Variants in ATG2B observed in about 807,000 individuals in gnomAD.
The protein encoded by ATG2B is autophagy related 2B.
A neutral mutation model predicts 241.3 loss-of-function variants in ATG2B; 121 were observed. The ratio of observed to expected loss-of-function variants is 0.50; its 90% CI spans 0.43 to 0.58. The LOEUF (loss-of-function observed/expected upper bound fraction) is 0.58, where lower values mean the gene tolerates loss of function less well. Among genes scored for constraint, ATG2B ranks in the 20% least tolerant of loss-of-function variants. The pLI is 0.00. For synonymous variants in ATG2B, 858 were observed against 876.6 expected (o/e 0.98, Z 0.37); for missense variants, 2,306 against 2,491.6 (o/e 0.93, Z 1.59).
At chr14:96,312,962 C>G in intron 25 of ATG2B, 103 bp downstream of exon 25, 1 of 689,006 alleles carries the variant, frequency 1.5e-6, no homozygotes, top group Non-Finnish European at 2.3e-6. Flanking sequence ...AGTAAAAGAA[C>G]GTTTAACAAA....
chr14:96,296,718 G>T (rs1484411154), intron 34 of ATG2B, among the ~76,000 whole-genome samples: 1 of 148,368 alleles, frequency 6.7e-6, no homozygotes, highest in Non-Finnish European at 1.5e-5. Context: ...CAGAGATCAC[G>T]CCATTGCACT....
At position 96,341,867 on chromosome 14, in the gene ATG2B, A is replaced by G. The variant is rs187761084; in HGVS notation, c.745-166T>C. On this transcript the variant is annotated intron_variant, in intron 5 of 41. Transcript: ENST00000359933. ...GTATAGCTAAAATGAAACACAGTCC[A>G]CTAAAATGTTAGCACAGTCCACTGG... 1.7e-3 allele frequency among the ~76,000 whole-genome samples: 266 copies of G among 152,378 alleles called. 2 individuals carry two copies. Among genetic ancestry groups the G allele is most frequent in the African/African-American group, 6.2e-3 (259 of 41,592 alleles).
chr14:96,348,410 T>C (rs1289664285), intron 1 of ATG2B, among the ~76,000 whole-genome samples: 1 of 152,108 alleles, frequency 6.6e-6, no homozygotes, highest in Non-Finnish European at 1.5e-5. Context: ...GGGCCAGGCA[T>C]GGTGGCTCAC....
In ATG2B at chr14:96,289,289, G is replaced by A. The variant is rs3783428; in HGVS notation, c.6006+367C>T. On this transcript the variant is annotated intron_variant, in intron 41 of 41. Coordinates refer to ENST00000359933, the MANE Select transcript of ATG2B (RefSeq NM_018036.7). This position sits in a 1 kb window ranked among gnomAD's most constrained non-coding sequence, Gnocchi z 4.3. Reference sequence around the variant, plus strand: ...GTGAAGGCATGGGAATAGGATCAGGGTGGGAGATTCATCTGAAAAGTTCTA... The same window carrying A: ...GTGAAGGCATGGGAATAGGATCAGGATGGGAGATTCATCTGAAAAGTTCTA... Among the ~76,000 whole-genome samples the A allele has an allele frequency of 0.78, 119,048 of 152,228 alleles. 47,331 individuals carry two copies. The highest frequency in any genetic ancestry group is 0.93 in the African/African-American group (38,651 of 41,560).
chr14:96,311,484 A>G (rs927233586), intron 27 of ATG2B, 58 bp downstream of exon 27: 2 of 1,424,306 alleles, frequency 1.4e-6, no homozygotes, highest in Non-Finnish European at 1.9e-6. Context: ...GTTAAACTCA[A>G]TTTTTTTAAT....
At position 96,328,394 on chromosome 14, in the gene ATG2B, T is replaced by C. The variant is rs760519524; in HGVS notation, c.2116A>G (p.Met706Val). The C allele has an allele frequency of 1.2e-6, 2 of 1,613,710 alleles. No homozygotes were observed. Among genetic ancestry groups the C allele is most frequent in the Non-Finnish European group, 8.5e-7 (1 of 1,179,834 alleles). ...GAAGTATACATGTGGGATGCCATCA[T>C]CTCTACTGTGGCAAGTTTCTGTGGT... ...LQPQKLATVE[M>V]MASHMYTSYN... The change falls in exon 14 of 42, where the codon ATG becomes GTG. Residue 706 changes from methionine to valine, a missense_variant. Met to Val is a conservative substitution (Grantham distance 21, BLOSUM62 1). Around this residue, in one of 2 missense-constraint regions of ATG2B, gnomAD observed 1,927 missense variants for 2,011.2 expected, o/e 0.96. Coordinates refer to ENST00000359933, the MANE Select transcript of ATG2B (RefSeq NM_018036.7).
chr14:96,310,045 C>T (rs911669219), intron 28 of ATG2B, among the ~76,000 whole-genome samples: 4 of 152,150 alleles, frequency 2.6e-5, no homozygotes, highest in Admixed American at 6.5e-5. Flanking sequence ...ATATACTAAA[C>T]GGTGATTCAG....
Position 96,322,196 on chromosome 14 carries a change from T to A in ATG2B, c.2795A>T (p.Asn932Ile). The change falls in exon 18 of 42, where the codon AAT becomes ATT. Residue 932 changes from asparagine to isoleucine, a missense_variant. Around this residue, in one of 2 missense-constraint regions of ATG2B, gnomAD observed 1,927 missense variants for 2,011.2 expected, o/e 0.96. Transcript: ENST00000359933. ...CGTAAGTTCCAGCACATAGTGAGAA[T>A]TGCTGATTGCTTTATCCTGAAATTC... The part of the protein sequence containing the change: ...MTEFQDKAIS[N>I]SHYVLELTLP... 6.3e-7 allele frequency: 1 copy of A among 1,597,414 alleles called. No homozygotes were observed. Among genetic ancestry groups the A allele is most frequent in the Non-Finnish European group, 8.5e-7 (1 of 1,174,914 alleles).
Position 96,317,010 on chromosome 14 carries a change from C to A in ATG2B, c.3210+135G>T, listed in dbSNP as rs1887331763. The stretch of plus-strand genomic sequence containing the variant: ...CAAAGTTGCTATCATCATGGTTTGC[C>A]CCAGGACACTGGTCTTCATCAGTCC... On this transcript the variant is annotated intron_variant, in intron 20 of 41. Transcript: ENST00000359933. 9.2e-6 allele frequency: 8 copies of A among 869,502 alleles called. No individual in the cohort carries two copies. The East Asian group carries it at 2.0e-4, about 22-fold the overall frequency. The allele number at this position is 869,502 out of a possible 1,614,324, so 53.9% of individuals were successfully genotyped here.
chr14:96,286,713 A>C (rs145370547), intron 41 of ATG2B, among the ~76,000 whole-genome samples: 213 of 152,262 alleles, frequency 1.4e-3, no homozygotes, highest in African/African-American at 4.4e-3. Flanking sequence ...ATGACTTCTG[A>C]ATCTTTACCA....
intron 10 of ATG2B, 103 bp from the exon 11 acceptor site, chr14:96,331,740 A>G (rs915041240): frequency 1.8e-5 from 17 of 925,644 alleles, no homozygotes; most frequent in Non-Finnish European, 2.4e-5. Context: ...ACAGATGATC[A>G]TACAACAGTT....
chr14:96,290,012 TG>T lies in ATG2B; in HGVS notation c.5857-208del. ...AAAGTATAAATTAATAACTAACACC[TG>T]GATTGAGCTAAATTTTTAGCCCCTC... On this transcript the variant is annotated intron_variant, in intron 40 of 41. Transcript: ENST00000359933. This position sits in a 1 kb window ranked among gnomAD's most constrained non-coding sequence, Gnocchi z 4.4. 1 of 883,156 alleles carries T rather than the reference TG, an allele frequency of 1.1e-6. No homozygotes were observed. Among genetic ancestry groups the T allele is most frequent in the African/African-American group, 1.7e-5 (1 of 58,972 alleles). 54.7% of individuals were successfully genotyped at this position (883,156 alleles called of 1,614,324 possible). A position where few individuals can be genotyped will look rare whatever the true frequency, so the allele number is the denominator to read the frequency against.
intron 5 of ATG2B, 126 bp downstream of exon 5, chr14:96,342,993 T>G (rs1888082553): frequency 1.6e-6 from 1 of 615,114 alleles, no homozygotes; most frequent in East Asian, 3.0e-5. Context: ...TACTGAATAT[T>G]TGCATTAAAT....
intron 30 of ATG2B, among the ~76,000 whole-genome samples, chr14:96,306,209 T>C (rs968210357): frequency 1.2e-4 from 18 of 152,234 alleles, no homozygotes; most frequent in African/African-American, 4.3e-4. Flanking sequence ...TGAGTTTGAT[T>C]GTTTGGATTT....
chr14:96,341,837 GTATCGTATAGC>G, intron 5 of ATG2B, 136 bp from the exon 6 acceptor site: 1 of 607,240 alleles, frequency 1.6e-6, no homozygotes, highest in Non-Finnish European at 2.6e-6. Flanking sequence ...GGACAAACCA[GTATCGTATAGC>G]TAAAATGAAA....
At position 96,345,261 on chromosome 14, in the gene ATG2B, A is replaced by T; in HGVS notation, c.450T>A (p.Leu150=). The stretch of plus-strand genomic sequence containing the variant: ...TTTCAATGGTTTCAGCAAACTTTTC[A>T]AGTCCTTCAAAAGGCTGGGATCCTT... ...QGEGSQPFEG[L]EKFAETIETV... is the part of the protein sequence containing the mutation. The change falls in exon 3 of 42, where the codon CTT becomes CTA. Residue 150 remains leucine, a synonymous_variant. Transcript: ENST00000359933. 1.2e-6 allele frequency: 2 copies of T among 1,611,794 alleles called. No homozygotes were observed. The highest frequency in any genetic ancestry group is 1.7e-6 in the Non-Finnish European group (2 of 1,179,232).
chr14:96,361,834 A>C (rs1318101484), intron 1 of ATG2B, among the ~76,000 whole-genome samples: 2 of 152,118 alleles, frequency 1.3e-5, no homozygotes, highest in Admixed American at 1.3e-4. Flanking sequence ...ATACTGATAA[A>C]ATTATATACT....
chr14:96,349,245 G>A (rs1888250443), intron 1 of ATG2B, among the ~76,000 whole-genome samples: 1 of 152,242 alleles, frequency 6.6e-6, no homozygotes, highest in African/African-American at 2.4e-5. Context: ...ATACATCGCA[G>A]TATTTGAAAA....
chr14:96,329,451 A>C, intron 12 of ATG2B, 33 bp downstream of exon 12: 1 of 1,459,448 alleles, frequency 6.9e-7, no homozygotes, highest in Non-Finnish European at 9.2e-7. Context: ...AGATTTAAAA[A>C]ATAATCTTAA....
Sources: allele counts gnomAD v4.1 joint callset (sites outside exome capture counted in the v4.1 genomes callset), GRCh38; gene constraint gnomAD v4.1.1; regional missense constraint gnomAD v4.1.1; non-coding constraint Gnocchi (gnomAD v3.1); transcripts MANE v1.5; gene names NCBI Gene and HGNC (gene_info 2026-07-23, HGNC 2026-07-21).